PRCP: variants seen among roughly 807,000 people sequenced by gnomAD.
The protein encoded by PRCP is prolylcarboxypeptidase.
In PRCP, 46 loss-of-function variants were observed where a neutral mutation model predicts 54.2. The observed-to-expected ratio is 0.85, with a 90% CI of 0.67 to 1.09. PRCP has a LOEUF of 1.09. PRCP is among the 50% of genes least tolerant of loss of function. PRCP has a pLI of 0.00. For synonymous variants in PRCP, 240 were observed against 212.2 expected, an observed-to-expected ratio of 1.13 and a Z score of -1.14; for missense variants, 613 against 596.8, an observed-to-expected ratio of 1.03 and a Z score of -0.28.
At chr11:82,856,238 T>A (rs557469755) in intron 2 of PRCP, among the ~76,000 whole-genome samples, 2 of 152,258 alleles carry the variant, frequency 1.3e-5, no homozygotes, top group African/African-American at 4.8e-5. Context: ...CTTAGCACTG[T>A]TTGCAATATC....
chr11:82,841,786 G>A (rs1276590628), intron 6 of PRCP, among the ~76,000 whole-genome samples: 1 of 152,230 alleles, frequency 6.6e-6, no homozygotes, highest in East Asian at 1.9e-4. Flanking sequence ...CCTAACATTT[G>A]CATGGCACTT....
At chr11:82,856,195 C>A (rs1565225410) in intron 2 of PRCP, among the ~76,000 whole-genome samples, 1 of 152,070 alleles carries the variant, frequency 6.6e-6, no homozygotes, top group African/African-American at 2.4e-5. Context: ...ATAAACCATT[C>A]TACCAAAAAG....
At chr11:82,900,456 A>C, upstream of PRCP, 4 of 1,577,678 alleles carry the variant, frequency 2.5e-6, no homozygotes, top group Non-Finnish European at 3.4e-6. Context: ...AGGCCAGCAG[A>C]AGCGCACAGG....
chr11:82,872,653 G>A lies in PRCP; in HGVS notation c.169-12536C>T, dbSNP rs555142816. ...CAGACCAGACTCTTCCCCGGAGCCC[G>A]GACCAGGCTCTCCCCAGGAGTCCCC... is the stretch of plus-strand genomic sequence containing the variant. On this transcript the variant is annotated intron_variant, in intron 1 of 8. Coordinates refer to ENST00000313010, the MANE Select transcript of PRCP (RefSeq NM_005040.4). Among the ~76,000 whole-genome samples, 5 of 152,256 alleles carry A rather than the reference G, an allele frequency of 3.3e-5. No individual in the cohort carries two copies. The East Asian group carries it at 7.7e-4, about 24-fold the overall frequency.
chr11:82,850,420 G>C lies in PRCP; in HGVS notation c.497C>G (p.Pro166Arg). 2 of 1,607,462 alleles carry C rather than the reference G, an allele frequency of 1.2e-6. No individual in the cohort carries two copies. The highest frequency in any genetic ancestry group is 2.7e-5 in the African/African-American group (2 of 74,732). ...ELIKHLKRTI[P>R]GAENQPVIAI... ...AATGACAGGTTGATTTTCAGCTCCTGGGATTGTTCTTTTCAAGTGTTTGAT... is the reference window on the plus strand; with the variant it reads ...AATGACAGGTTGATTTTCAGCTCCTCGGATTGTTCTTTTCAAGTGTTTGAT... The change falls in exon 4 of 9, where the codon CCA becomes CGA. Residue 166 changes from proline (P) to arginine (R), a missense_variant. By Grantham distance (103) the Pro-to-Arg change is moderately radical (BLOSUM62 -2). Transcript: ENST00000313010.
intron 1 of PRCP, among the ~76,000 whole-genome samples, chr11:82,894,757 T>C (rs1042073684): frequency 1.3e-5 from 2 of 152,242 alleles, no homozygotes; most frequent in Admixed American, 6.5e-5. Flanking sequence ...TAGCATTAGC[T>C]AGTAAGAAAT....
At chr11:82,837,717 GTCAGATACACATGGAGTCTGC>G (rs773687690) in intron 8 of PRCP, among the ~76,000 whole-genome samples, 36 of 152,312 alleles carry the variant, frequency 2.4e-4, no homozygotes, top group Non-Finnish European at 4.0e-4. Flanking sequence ...TGAAGTCCCA[GTCAGATACACATGGAGTCTGC>G]TCAATTAACT....
intron 8 of PRCP, chr11:82,825,887 CTGAG>C (rs1858217801): frequency 6.6e-6 from 1 of 152,198 alleles, no homozygotes; most frequent in African/African-American, 2.4e-5. Context: ...GTCACTGAAA[CTGAG>C]TATCTACTTT....
intron 1 of PRCP, among the ~76,000 whole-genome samples, chr11:82,889,771 C>A (rs986398081): frequency 6.6e-6 from 1 of 152,080 alleles, no homozygotes; most frequent in Admixed American, 6.5e-5. Context: ...CAGTTAGGGC[C>A]ATAGATTGAA....
At chr11:82,887,359 C>T (rs945309804) in intron 1 of PRCP, among the ~76,000 whole-genome samples, 4 of 152,158 alleles carry the variant, frequency 2.6e-5, no homozygotes, top group African/African-American at 9.7e-5. Context: ...GCTATTAACT[C>T]GGAGTATGGC....
chr11:82,857,404 T>C (rs767815233), intron 2 of PRCP, among the ~76,000 whole-genome samples: 1 of 152,206 alleles, frequency 6.6e-6, no homozygotes, highest in Non-Finnish European at 1.5e-5. Flanking sequence ...TTCACACAGC[T>C]AGTAAGCGGC....
intron 8 of PRCP, among the ~76,000 whole-genome samples, chr11:82,832,488 C>T (rs770619067): frequency 3.3e-5 from 5 of 151,970 alleles, no homozygotes; most frequent in Non-Finnish European, 7.4e-5. Flanking sequence ...GTTTGTTGGC[C>T]GCATAAATAT....
chr11:82,839,616 G>C, intron 6 of PRCP, 191 bp from the exon 7 acceptor site: 1 of 623,602 alleles, frequency 1.6e-6, no homozygotes, highest in East Asian at 3.0e-5. Flanking sequence ...TTACTCCTTA[G>C]GCTATAGAAA....
intron 2 of PRCP, among the ~76,000 whole-genome samples, chr11:82,856,703 A>C (rs978462737): frequency 3.3e-5 from 5 of 152,158 alleles, no homozygotes; most frequent in African/African-American, 1.2e-4. Context: ...AAGAAAAAAA[A>C]ACACGATGGA....
At position 82,839,324 on chromosome 11, in the gene PRCP, C is replaced by T. The variant is rs776739719; in HGVS notation, c.1023G>A (p.Val341=). The T allele has an allele frequency of 2.1e-5, 34 of 1,613,968 alleles. No individual in the cohort carries two copies. The Middle Eastern group carries it at 3.0e-3, about 141-fold the overall frequency. The change falls in exon 7 of 9, where the codon GTG becomes GTA. Residue 341 remains valine, a synonymous_variant. Coordinates refer to ENST00000313010, the MANE Select transcript of PRCP (RefSeq NM_005040.4). ...CTGTCTCTGAAATATTCAGGCATTT[C>T]ACCTGGCCCGAATAATTGTAATATA... ...LNVYYNYSGQ[V]KCLNISETAT... is the part of the protein sequence containing the mutation.
intron 2 of PRCP, among the ~76,000 whole-genome samples, chr11:82,859,369 A>AT (rs1452218536): frequency 1.3e-5 from 2 of 152,084 alleles, no homozygotes; most frequent in East Asian, 1.9e-4. Context: ...CTATTTGTAT[A>AT]TTTTTTTCTC....
intron 1 of PRCP, among the ~76,000 whole-genome samples, chr11:82,862,197 T>TTTTGGCTA (rs1408422867): frequency 1.3e-5 from 2 of 152,318 alleles, no homozygotes; most frequent in Admixed American, 1.3e-4. Context: ...GTTCATATTG[T>TTTTGGCTA]TTTGGCTACA....
intron 1 of PRCP, among the ~76,000 whole-genome samples, chr11:82,888,916 G>T (rs1051399172): frequency 2.6e-5 from 4 of 152,190 alleles, no homozygotes; most frequent in African/African-American, 7.2e-5. Flanking sequence ...TGCTATGGAG[G>T]AGTATGGATG....
At chr11:82,826,428 C>T (rs1038756186) in intron 8 of PRCP, 2 of 152,206 alleles carry the variant, frequency 1.3e-5, no homozygotes, top group African/African-American at 4.8e-5. Flanking sequence ...CTCCTTTGAA[C>T]ATTCACATAC....
Sources: allele counts gnomAD v4.1 joint callset (sites outside exome capture counted in the v4.1 genomes callset), GRCh38; gene constraint gnomAD v4.1.1; transcripts MANE v1.5; gene names NCBI Gene and HGNC (gene_info 2026-07-23, HGNC 2026-07-21).